Variants in CACNA1C observed in about 807,000 individuals in gnomAD.
CACNA1C encodes voltage-dependent L-type calcium channel subunit alpha-1C.
In CACNA1C, 30 loss-of-function variants were observed where a neutral mutation model predicts 229.0. The ratio of observed to expected loss-of-function variants is 0.13; its 90% CI spans 0.10 to 0.18. CACNA1C has a LOEUF of 0.18. Ranked by LOEUF, CACNA1C falls within the 10% of genes least tolerant of loss-of-function variation. The pLI is 1.00. For missense variants in CACNA1C, 1,658 were observed against 2,845.0 expected, an observed-to-expected ratio of 0.58 and a Z score of 9.49; for synonymous variants, 1,114 against 1,132.5, an observed-to-expected ratio of 0.98 and a Z score of 0.33.
At chr12:2,263,620 G>A (rs1456166204) in intron 3 of CACNA1C, among the ~76,000 whole-genome samples, 2 of 152,046 alleles carry the variant, frequency 1.3e-5, no homozygotes, top group Non-Finnish European at 2.9e-5. Flanking sequence ...GAGTGATAAA[G>A]GTGGAGGTGG....
chr12:2,522,017 TC>T (rs1199053411), intron 9 of CACNA1C, among the ~76,000 whole-genome samples: 3 of 152,232 alleles, frequency 2.0e-5, no homozygotes, highest in Non-Finnish European at 4.4e-5. Flanking sequence ...CATCTTGTTT[TC>T]CAGAAACGCC....
intron 1 of CACNA1C, among the ~76,000 whole-genome samples, chr12:1,977,584 GT>G (rs1408280203): frequency 2.6e-5 from 4 of 152,084 alleles, no homozygotes; most frequent in African/African-American, 9.7e-5. Context: ...TTTATTTCCT[GT>G]GTTTATTTGG....
At chr12:2,596,855 A>G (rs1459467908) in intron 20 of CACNA1C, among the ~76,000 whole-genome samples, 1 of 151,982 alleles carries the variant, frequency 6.6e-6, no homozygotes, top group East Asian at 1.9e-4. Flanking sequence ...GACAAACCCC[A>G]TTCTCTGTCC....
At chr12:2,567,899 C>T in intron 13 of CACNA1C, 105 bp downstream of exon 13, 3 of 640,592 alleles carry the variant, frequency 4.7e-6, no homozygotes, top group Non-Finnish European at 8.3e-6. Flanking sequence ...TGTTCTTCCT[C>T]AAAGGGTGTC....
chr12:2,120,196 C>T, intron 2 of CACNA1C, 129 bp from the exon 3 acceptor site: 1 of 686,388 alleles, frequency 1.5e-6, no homozygotes, highest in South Asian at 1.6e-5. Flanking sequence ...TTTCAGAATA[C>T]AAGGGGCTTG....
At chr12:2,272,913 T>C (rs2085763355) in intron 3 of CACNA1C, among the ~76,000 whole-genome samples, 1 of 152,264 alleles carries the variant, frequency 6.6e-6, no homozygotes, top group African/African-American at 2.4e-5. Context: ...ACTCTGATGT[T>C]GGCCCTTAAA....
intron 3 of CACNA1C, among the ~76,000 whole-genome samples, chr12:2,444,369 C>T (rs1356268508): frequency 1.3e-5 from 2 of 152,112 alleles, no homozygotes; most frequent in East Asian, 1.9e-4. Flanking sequence ...AAGAGAGGTC[C>T]TGTAACTTCT....
chr12:2,454,026 G>A lies in CACNA1C; in HGVS notation c.618-3541G>A, dbSNP rs184065286. 2.7e-3 allele frequency among the ~76,000 whole-genome samples: 407 copies of A among 152,224 alleles called. 3 individuals are homozygous for A. Among genetic ancestry groups the A allele is most frequent in the Non-Finnish European group, 3.7e-3 (254 of 68,016 alleles). On this transcript the variant is annotated intron_variant, in intron 4 of 46. Coordinates refer to ENST00000399655, the MANE Select transcript of CACNA1C (RefSeq NM_000719.7). ...GCACCAGGTTGCCAGGTCTAAGGGG[G>A]CCCTGCCAGCTCCTGATTTCTGCTC...
At chr12:2,231,311 T>C (rs538395291) in intron 3 of CACNA1C, among the ~76,000 whole-genome samples, 1 of 152,236 alleles carries the variant, frequency 6.6e-6, no homozygotes, top group Non-Finnish European at 1.5e-5. Context: ...ATTTCTAACG[T>C]TAAATGGATG....
At chr12:2,495,082 A>G (rs1198368280) in intron 7 of CACNA1C, among the ~76,000 whole-genome samples, 2 of 152,170 alleles carry the variant, frequency 1.3e-5, no homozygotes, top group African/African-American at 4.8e-5. Flanking sequence ...AAAGGTCAGA[A>G]CCCCTCTGCC....
chr12:2,688,958 C>T (rs2097667345), intron 46 of CACNA1C, among the ~76,000 whole-genome samples, 179 bp downstream of exon 46: 1 of 152,204 alleles, frequency 6.6e-6, no homozygotes, highest in Non-Finnish European at 1.5e-5. Context: ...CATGACTGCA[C>T]AAGATGCTAT....
chr12:2,277,364 C>CAT (rs2089089622), intron 3 of CACNA1C, among the ~76,000 whole-genome samples: 2 of 19,306 alleles, frequency 1.0e-4, no homozygotes, highest in Admixed American at 1.1e-3. Context: ...GACAGACAGA[C>CAT]ACACACACAC....
In CACNA1C at chr12:2,653,689, G is replaced by A; in HGVS notation, c.4075-146G>A. ...CAGACCTTCTCGCAGGTTCCCCGTA[G>A]TCCTGTGGGACTCTTGGAAGTGTCC... On this transcript the variant is annotated intron_variant, in intron 32 of 46. Transcript: ENST00000399655. This position sits in a 1 kb window ranked among gnomAD's most constrained non-coding sequence, Gnocchi z 4.7. 4.4e-6 allele frequency: 3 copies of A among 678,430 alleles called. No homozygotes were observed. Among genetic ancestry groups the A allele is most frequent in the Non-Finnish European group, 7.9e-6 (3 of 380,178 alleles). The allele number at this position is 678,430 out of a possible 1,614,324, so 42.0% of individuals were successfully genotyped here.
In CACNA1C at chr12:2,410,215, C is replaced by T. The variant is rs1244426225; in HGVS notation, c.478-38761C>T. On this transcript the variant is annotated intron_variant, in intron 3 of 46. Coordinates refer to ENST00000399655, the MANE Select transcript of CACNA1C (RefSeq NM_000719.7). This position sits in a 1 kb window ranked among gnomAD's most constrained non-coding sequence, Gnocchi z 5.3. ...CCCGCAGCACTGAGGCTTGGCCAGTCGTGATGCCTATGGCGACCGCAGAAT... is the reference window on the plus strand; with the variant it reads ...CCCGCAGCACTGAGGCTTGGCCAGTTGTGATGCCTATGGCGACCGCAGAAT... Among the ~76,000 whole-genome samples the T allele has an allele frequency of 6.6e-6, 1 of 152,188 alleles. No individual in the cohort carries two copies. The highest frequency in any genetic ancestry group is 2.4e-5 in the African/African-American group (1 of 41,446).
At chr12:2,027,456 A>G (rs1053053148) in intron 1 of CACNA1C, among the ~76,000 whole-genome samples, 3 of 152,202 alleles carry the variant, frequency 2.0e-5, no homozygotes, top group Non-Finnish European at 4.4e-5. Context: ...CTGAAAATAA[A>G]TTATCTTTAT....
chr12:2,210,127 A>G (rs945803972), intron 3 of CACNA1C, among the ~76,000 whole-genome samples: 10 of 152,226 alleles, frequency 6.6e-5, no homozygotes, highest in African/African-American at 2.4e-4. Context: ...TATCTGTTGC[A>G]GGAAGGAAGG....
At chr12:2,537,689 T>A (rs2099859048) in intron 9 of CACNA1C, among the ~76,000 whole-genome samples, 1 of 152,244 alleles carries the variant, frequency 6.6e-6, no homozygotes, top group Non-Finnish European at 1.5e-5. Flanking sequence ...TAGTGAGAAC[T>A]GGGTTTCCAA....
rs2096134235 is a variant in CACNA1C, at chr12:2,666,690, C to T, written c.4531C>T (p.Arg1511Cys). Residue 1511 changes from arginine (R) to cysteine (C), a missense_variant, in exon 37 of 47, where the codon CGT becomes TGT. Physicochemically the swap from Arg to Cys is radical, Grantham distance 180. This residue lies in a region of CACNA1C where 151 missense variants were observed against 344.4 expected (regional missense o/e 0.44). Transcript: ENST00000399655. The surrounding 1 kb of genome is among the most constrained non-coding windows in gnomAD (Gnocchi z 5.3). ...WAEYDPEAKGRIKHLDVVTLL... is the reference protein window; with the variant it reads ...WAEYDPEAKGCIKHLDVVTLL... ...CTCCTCTCCCTCCTCTTCTAGGGGT[C>T]GTATCAAACACCTGGATGTGGTGAC... 6 of 1,585,822 alleles carry T rather than the reference C, an allele frequency of 3.8e-6. No individual in the cohort carries two copies. Among genetic ancestry groups the T allele is most frequent in the East Asian group, 2.3e-5 (1 of 43,874 alleles).
chr12:2,204,150 G>C (rs886581237), intron 3 of CACNA1C, among the ~76,000 whole-genome samples: 12 of 152,020 alleles, frequency 7.9e-5, no homozygotes, highest in Non-Finnish European at 1.3e-4. Context: ...CATTCTAACT[G>C]GTGTGAGATG....
Sources: allele counts gnomAD v4.1 joint callset (sites outside exome capture counted in the v4.1 genomes callset), GRCh38; gene constraint gnomAD v4.1.1; regional missense constraint gnomAD v4.1.1; non-coding constraint Gnocchi (gnomAD v3.1); transcripts MANE v1.5; gene names NCBI Gene and HGNC (gene_info 2026-07-23, HGNC 2026-07-21).